Variants in EIF4E1B observed in about 807,000 individuals in gnomAD.
EIF4E1B encodes the protein eukaryotic translation initiation factor 4E family member 1B.
In EIF4E1B, 22 loss-of-function variants were observed where a neutral mutation model predicts 31.3. The observed-to-expected ratio is 0.70, with a 90% CI of 0.50 to 1.00. The LOEUF is 1.00. EIF4E1B is among the 50% of genes least tolerant of loss of function. The pLI is 0.00. For synonymous variants in EIF4E1B, 126 were observed against 120.2 expected (o/e 1.05, Z -0.31); for missense variants, 290 against 311.6 (o/e 0.93, Z 0.52).
At position 176,645,663 on chromosome 5, in the gene EIF4E1B, C is replaced by CGT; in HGVS notation, c.614+148_614+149dup. 7.9e-7 allele frequency: 1 copy of CGT among 1,264,862 alleles called. No homozygotes were observed. Among genetic ancestry groups the CGT allele is most frequent in the East Asian group, 2.6e-5 (1 of 38,424 alleles). The allele number at this position is 1,264,862 out of a possible 1,614,324, so 78.4% of individuals were successfully genotyped here. A position where few individuals can be genotyped will look rare whatever the true frequency, so the allele number is the denominator to read the frequency against. ...TTGCCCACCTGTATGGAAGGTCTGG[C>CGT]GTTCAGATTTCTAACTTTCTCTTAC... On this transcript the variant is annotated intron_variant, in intron 8 of 8. Transcript: ENST00000318682. The surrounding 1 kb of genome is among the most constrained non-coding windows in gnomAD (Gnocchi z 5.4).
intron 6 of EIF4E1B, 68 bp downstream of exon 6, chr5:176,644,507 C>T (rs1278988061): frequency 4.7e-5 from 45 of 964,148 alleles, no homozygotes; most frequent in African/African-American, 1.9e-4. Context: ...GACTCCACTG[C>T]GTTAATCCCT....
At chr5:176,642,854 C>CG in intron 3 of EIF4E1B, 52 bp downstream of exon 3, 6 of 1,253,484 alleles carry the variant, frequency 4.8e-6, no homozygotes, top group South Asian at 1.7e-5. Context: ...CGCCCTCTCC[C>CG]CCCCCCCCCC....
intron 1 of EIF4E1B, among the ~76,000 whole-genome samples, chr5:176,634,004 C>T (rs974398244): frequency 9.9e-5 from 15 of 152,168 alleles, no homozygotes; most frequent in African/African-American, 3.4e-4. Flanking sequence ...GAAGGAGAGA[C>T]GTGAACATCA....
chr5:176,641,042 T>C (rs1390993361), intron 1 of EIF4E1B, among the ~76,000 whole-genome samples: 1 of 152,222 alleles, frequency 6.6e-6, no homozygotes, highest in Non-Finnish European at 1.5e-5. Context: ...ATCCTGGGCC[T>C]GGCGCTTTGG....
chr5:176,632,021 G>T (rs927734511), intron 1 of EIF4E1B, among the ~76,000 whole-genome samples: 1 of 152,218 alleles, frequency 6.6e-6, no homozygotes, highest in Non-Finnish European at 1.5e-5. Context: ...TGACATGGGA[G>T]TGTGCCAAGA....
chr5:176,639,539 G>A (rs1333234099), intron 1 of EIF4E1B, among the ~76,000 whole-genome samples: 1 of 152,156 alleles, frequency 6.6e-6, no homozygotes, highest in Non-Finnish European at 1.5e-5. Flanking sequence ...GGGTCCTTCC[G>A]AGCTGGGCTC....
In EIF4E1B at chr5:176,638,966, G is replaced by T. The variant is rs750069157; in HGVS notation, c.-201-3077G>T. ...GTTTTGTTGCTGTTGTTGTTTGTTT[G>T]TTTGTTTTATTTTTAGTAGAGACAC... On this transcript the variant is annotated intron_variant, in intron 1 of 8. Transcript: ENST00000318682. The surrounding 1 kb of genome is among the most constrained non-coding windows in gnomAD (Gnocchi z 4.3). Among the ~76,000 whole-genome samples, 3 of 152,060 alleles carry T rather than the reference G, an allele frequency of 2.0e-5. No individual in the cohort carries two copies. The highest frequency in any genetic ancestry group is 4.4e-5 in the Non-Finnish European group (3 of 68,028).
chr5:176,630,712 CGTGTGAAGAGT>C lies in EIF4E1B; in HGVS notation c.-552_-542del, dbSNP rs985364804. ...GAGTTGAGGGAGGGGGACAACGCGGCGTGTGAAGAGTGGGGAAGAAATCACGCGACTGGATT... is the reference window on the plus strand; with the variant it reads ...GAGTTGAGGGAGGGGGACAACGCGGCGGGGAAGAAATCACGCGACTGGATT... On this transcript the variant is annotated 5_prime_UTR_variant, in exon 1 of 9. Transcript: ENST00000318682. 1.3e-5 allele frequency: 2 copies of C among 152,226 alleles called. No homozygotes were observed. The highest frequency in any genetic ancestry group is 4.8e-5 in the African/African-American group (2 of 41,450). 9.4% of individuals were successfully genotyped at this position (152,226 alleles called of 1,614,324 possible).
At position 176,645,904 on chromosome 5, in the gene EIF4E1B, C is replaced by T. The variant is rs779221982; in HGVS notation, c.653C>T (p.Thr218Ile). The change falls in exon 9 of 9, where the codon ACC (threonine) becomes ATC (isoleucine). Residue 218 changes from threonine to isoleucine, a missense_variant. Physicochemically the swap from Thr to Ile is moderately conservative, Grantham distance 89. Coordinates refer to ENST00000318682, the MANE Select transcript of EIF4E1B (RefSeq NM_001099408.2). This position sits in a 1 kb window ranked among gnomAD's most constrained non-coding sequence, Gnocchi z 5.4. ...YKERLGLSPK[T>I]IIGYQAHADT... ...GAGCGCCTGGGCCTCTCCCCAAAGACCATCATTGGGTACCAGGCCCATGCA... is the reference window on the plus strand; with the variant it reads ...GAGCGCCTGGGCCTCTCCCCAAAGATCATCATTGGGTACCAGGCCCATGCA... The T allele has an allele frequency of 2.5e-6, 4 of 1,608,482 alleles. No homozygotes were observed. The South Asian group carries it at 4.4e-5, about 18-fold the overall frequency.
chr5:176,641,958 G>C (rs570992661), intron 1 of EIF4E1B, 85 bp from the exon 2 acceptor site: 1 of 152,496 alleles, frequency 6.6e-6, no homozygotes. Context: ...GCCAGGCCTT[G>C]TTCTACGGGT....
At chr5:176,637,374 G>A (rs1427254948) in intron 1 of EIF4E1B, among the ~76,000 whole-genome samples, 1 of 152,202 alleles carries the variant, frequency 6.6e-6, no homozygotes, top group Non-Finnish European at 1.5e-5. Flanking sequence ...AGGAGGCAGA[G>A]GTTACAGTGG....
chr5:176,643,687 C>CA lies in EIF4E1B; in HGVS notation c.251dup (p.Asn84LysfsTer32), dbSNP rs1251125863. ...ATGACCGCAGCCGGGCCTGGCAGGA[C>CA]AACCTGCACCTGGTCACCAAGGTGG... On this transcript the variant is annotated frameshift_variant, in exon 5 of 9. Transcript: ENST00000318682. LOFTEE classifies it high-confidence loss of function. 1.9e-6 allele frequency: 3 copies of CA among 1,613,140 alleles called. No homozygotes were observed. In the South Asian group the frequency reaches 3.3e-5, roughly 18 times the overall value.
rs552642783 is a variant in EIF4E1B, at chr5:176,634,495, G to A, written c.-202+3431G>A. Among the ~76,000 whole-genome samples the A allele has an allele frequency of 6.6e-5, 10 of 152,174 alleles. No homozygotes were observed. The South Asian group carries it at 1.9e-3, about 28-fold the overall frequency. On this transcript the variant is annotated intron_variant, in intron 1 of 8. Coordinates refer to ENST00000318682, the MANE Select transcript of EIF4E1B (RefSeq NM_001099408.2). ...CTAGAATTTTCATGAGACAGATAACGTAGATAAAAATAACCTTAAGAGCAC... is the reference window on the plus strand; with the variant it reads ...CTAGAATTTTCATGAGACAGATAACATAGATAAAAATAACCTTAAGAGCAC...
At chr5:176,644,837 G>A (rs1230645079) in intron 6 of EIF4E1B, among the ~76,000 whole-genome samples, 2 of 152,216 alleles carry the variant, frequency 1.3e-5, no homozygotes, top group South Asian at 2.1e-4. Flanking sequence ...CCCCTTGCCT[G>A]CATTGGGGTC....
chr5:176,641,045 C>T (rs945706659), intron 1 of EIF4E1B, among the ~76,000 whole-genome samples: 9 of 152,166 alleles, frequency 5.9e-5, no homozygotes, highest in African/African-American at 1.4e-4. Context: ...CTGGGCCTGG[C>T]GCTTTGGGTC....
At position 176,646,181 on chromosome 5, in the gene EIF4E1B, A is replaced by T; in HGVS notation, c.*201A>T. 1 of 539,474 alleles carries T rather than the reference A, an allele frequency of 1.9e-6. No homozygotes were observed. Among genetic ancestry groups the T allele is most frequent in the Non-Finnish European group, 3.4e-6 (1 of 297,718 alleles). 33.4% of individuals were successfully genotyped at this position (539,474 alleles called of 1,614,324 possible). A position where few individuals can be genotyped will look rare whatever the true frequency, so the allele number is the denominator to read the frequency against. On this transcript the variant is annotated 3_prime_UTR_variant, in exon 9 of 9. Transcript: ENST00000318682. ...GGTAGTGGTGGCAGTCTGAGGACCT[A>T]GCTTGTCCTGGGGCCACAGGACAGC...
At chr5:176,642,408 A>T (rs1214558213) in intron 2 of EIF4E1B, among the ~76,000 whole-genome samples, 1 of 152,236 alleles carries the variant, frequency 6.6e-6, no homozygotes, top group East Asian at 1.9e-4. Context: ...GGAGGCTGAA[A>T]TGGGAGATCA....
Position 176,645,508 on chromosome 5 carries a change from G to C in EIF4E1B, c.606G>C (p.Leu202=). The C allele has an allele frequency of 6.6e-7, 1 of 1,516,530 alleles. No homozygotes were observed. The highest frequency in any genetic ancestry group is 8.8e-7 in the Non-Finnish European group (1 of 1,134,490). 93.9% of individuals were successfully genotyped at this position (1,516,530 alleles called of 1,614,324 possible). A position where few individuals can be genotyped will look rare whatever the true frequency, so the allele number is the denominator to read the frequency against. Residue 202 remains leucine, a synonymous_variant, in exon 8 of 9, where the codon CTG becomes CTC. Coordinates refer to ENST00000318682, the MANE Select transcript of EIF4E1B (RefSeq NM_001099408.2). This position sits in a 1 kb window ranked among gnomAD's most constrained non-coding sequence, Gnocchi z 5.4. ...AGGCGGAAAACCAGGCGGGCGTGCTGCACGTTGGGTGAGGAGGGTCTCTGG... is the reference window on the plus strand; with the variant it reads ...AGGCGGAAAACCAGGCGGGCGTGCTCCACGTTGGGTGAGGAGGGTCTCTGG... ...TREAENQAGV[L]HVGRVYKERL...
At chr5:176,643,830 C>A in intron 5 of EIF4E1B, 96 bp downstream of exon 5, 3 of 1,274,248 alleles carry the variant, frequency 2.4e-6, no homozygotes, top group Non-Finnish European at 3.2e-6. Flanking sequence ...GGCCTTTCAG[C>A]CTTTGTGAGG....
Sources: allele counts gnomAD v4.1 joint callset (sites outside exome capture counted in the v4.1 genomes callset), GRCh38; gene constraint gnomAD v4.1.1; non-coding constraint Gnocchi (gnomAD v3.1); transcripts MANE v1.5; gene names NCBI Gene and HGNC (gene_info 2026-07-23, HGNC 2026-07-21).